The following FAT3 variants were observed in gnomAD, a reference collection of about 807,000 sequenced individuals.
The protein encoded by FAT3 is FAT atypical cadherin 3, also known as protocadherin Fat 3.
A neutral mutation model predicts 310.2 loss-of-function variants in FAT3; 95 were observed. The ratio of observed to expected loss-of-function variants is 0.31; its 90% confidence interval spans 0.26 to 0.36. The LOEUF is 0.36. Among genes scored for constraint, FAT3 ranks in the 10% least tolerant of loss-of-function variants. The probability of loss-of-function intolerance (pLI) is 1.00; values close to 1 mark genes in which losing one functional copy is unlikely to be tolerated. For missense variants in FAT3, 5,408 were observed against 5,715.6 expected, an observed-to-expected ratio of 0.95 and a Z score of 1.74; for synonymous variants, 2,314 against 2,192.9, an observed-to-expected ratio of 1.06 and a Z score of -1.54.
In FAT3 at chr11:92,524,708, A is replaced by G. The variant is rs1953793689; in HGVS notation, c.3367A>G (p.Arg1123Gly). ...CTGGCTAACAGTGTATGCCACAGACAGGGGCGTTGTTCCACTCTACTCCAC... is the reference window on the plus strand; with the variant it reads ...CTGGCTAACAGTGTATGCCACAGACGGGGGCGTTGTTCCACTCTACTCCAC... ...SYWLTVYATD[R>G]GVVPLYSTIE... The change falls in exon 3 of 28, where the codon AGG becomes GGG. Residue 1123 changes from arginine to glycine, a missense_variant. Coordinates refer to ENST00000525166, the MANE Select transcript of FAT3 (RefSeq NM_001367949.2). The G allele has an allele frequency of 1.2e-6, 2 of 1,613,896 alleles. No homozygotes were observed. Among genetic ancestry groups the G allele is most frequent in the South Asian group, 2.2e-5 (2 of 91,076 alleles).
At chr11:92,298,686 T>A (rs1221627904) in intron 1 of FAT3, among the ~76,000 whole-genome samples, 1 of 152,096 alleles carries the variant, frequency 6.6e-6, no homozygotes, top group Non-Finnish European at 1.5e-5. Flanking sequence ...AGATGGTCGT[T>A]AATCAACTTC....
chr11:92,789,458 C>G (rs1168780173), intron 7 of FAT3, among the ~76,000 whole-genome samples: 1 of 152,178 alleles, frequency 6.6e-6, no homozygotes, highest in African/African-American at 2.4e-5. Context: ...AGGACAACCA[C>G]AGGGCATGGA....
Position 92,594,826 on chromosome 11 carries a change from A to G in FAT3, c.3607+69878A>G, listed in dbSNP as rs531882088. Among the ~76,000 whole-genome samples, 69 of 152,282 alleles carry G rather than the reference A, an allele frequency of 4.5e-4. 1 individual carries two copies. The South Asian group carries it at 0.014, about 30-fold the overall frequency. On this transcript the variant is annotated intron_variant, in intron 3 of 27. Coordinates refer to ENST00000525166, the MANE Select transcript of FAT3 (RefSeq NM_001367949.2). ...TTGATATTTGCTGCCAAAATCCACA[A>G]TATGTTTCAGAATGCTTTCTATTTT... is the stretch of plus-strand genomic sequence containing the variant.
intron 23 of FAT3, among the ~76,000 whole-genome samples, chr11:92,881,735 T>C (rs1310620070): frequency 1.2e-4 from 18 of 152,202 alleles, no homozygotes; most frequent in Admixed American, 1.2e-3. Context: ...AAAGAAGGTC[T>C]ATGTTCTCAA....
At chr11:92,327,926 G>C (rs537340379) in intron 1 of FAT3, among the ~76,000 whole-genome samples, 3 of 152,314 alleles carry the variant, frequency 2.0e-5, no homozygotes, top group African/African-American at 7.2e-5. Flanking sequence ...AAGATGGAGA[G>C]AGAAGAGGCA....
At chr11:92,343,347 GA>G (rs1205619143) in intron 1 of FAT3, among the ~76,000 whole-genome samples, 2 of 152,032 alleles carry the variant, frequency 1.3e-5, no homozygotes. Flanking sequence ...TGTGCAGAAT[GA>G]CAAAGGTGAT....
At chr11:92,872,191 T>C (rs1334690058) in intron 22 of FAT3, among the ~76,000 whole-genome samples, 1 of 152,250 alleles carries the variant, frequency 6.6e-6, no homozygotes, top group Non-Finnish European at 1.5e-5. Context: ...TATGTTTTGC[T>C]GAATACTTTG....
At chr11:92,869,155 C>T (rs372396581) in intron 22 of FAT3, among the ~76,000 whole-genome samples, 1 of 152,188 alleles carries the variant, frequency 6.6e-6, no homozygotes, top group Non-Finnish European at 1.5e-5. Flanking sequence ...GGGGGACTTA[C>T]GTTTTCCTAA....
chr11:92,793,348 T>C (rs1947085437), intron 9 of FAT3, among the ~76,000 whole-genome samples: 1 of 152,216 alleles, frequency 6.6e-6, no homozygotes, highest in South Asian at 2.1e-4. Flanking sequence ...CAGGGTGTTC[T>C]GTGAATTGAA....
intron 7 of FAT3, among the ~76,000 whole-genome samples, chr11:92,782,000 T>C (rs1946766557): frequency 6.6e-6 from 1 of 152,156 alleles, no homozygotes; most frequent in Non-Finnish European, 1.5e-5. Context: ...CTTATTCAAG[T>C]AATCCTTTAG....
At chr11:92,424,422 C>T (rs1474528729) in intron 2 of FAT3, among the ~76,000 whole-genome samples, 1 of 152,078 alleles carries the variant, frequency 6.6e-6, no homozygotes, top group Non-Finnish European at 1.5e-5. Flanking sequence ...TCCTATGGAC[C>T]TTGCCACAAC....
At chr11:92,587,561 G>T (rs1939217733) in intron 3 of FAT3, among the ~76,000 whole-genome samples, 1 of 151,882 alleles carries the variant, frequency 6.6e-6, no homozygotes, top group Admixed American at 6.6e-5. Context: ...CATGAAAAAG[G>T]CTATAATGTA....
At chr11:92,502,139 G>A (rs371017227) in intron 2 of FAT3, among the ~76,000 whole-genome samples, 8 of 152,008 alleles carry the variant, frequency 5.3e-5, no homozygotes, top group South Asian at 4.1e-4. Context: ...AAGCTGGGCC[G>A]GCAGCAAGGC....
At chr11:92,654,549 T>C (rs533909415) in intron 3 of FAT3, among the ~76,000 whole-genome samples, 1 of 152,324 alleles carries the variant, frequency 6.6e-6, no homozygotes, top group South Asian at 2.1e-4. Flanking sequence ...CAATGAAAGA[T>C]AAAACAAAAT....
intron 1 of FAT3, among the ~76,000 whole-genome samples, chr11:92,303,168 C>T (rs367571368): frequency 9.2e-4 from 140 of 152,188 alleles, no homozygotes; most frequent in African/African-American, 3.3e-3. Context: ...TAAATCTGTG[C>T]TCATTCATAA....
chr11:92,355,454 G>GT lies in FAT3; in HGVS notation c.3292+51dup, dbSNP rs559174644. 1.3e-4 allele frequency: 204 copies of GT among 1,531,498 alleles called. No homozygotes were observed. In the African/African-American group the frequency reaches 2.6e-3, roughly 19 times the overall value. The allele number at this position is 1,531,498 out of a possible 1,614,324, so 94.9% of individuals were successfully genotyped here. A position where few individuals can be genotyped will look rare whatever the true frequency, so the allele number is the denominator to read the frequency against. ...AGTGTTGTTTCACCTCTTTTAAATG[G>GT]TCAACAGTGGAAAAGTAAAGGGATG... On this transcript the variant is annotated intron_variant, in intron 2 of 27. Transcript: ENST00000525166.
chr11:92,331,139 C>A (rs991323100), intron 1 of FAT3, among the ~76,000 whole-genome samples: 3 of 151,974 alleles, frequency 2.0e-5, no homozygotes, highest in African/African-American at 7.3e-5. Flanking sequence ...ATTAGGAGGG[C>A]TGTTTGAGAT....
intron 2 of FAT3, among the ~76,000 whole-genome samples, chr11:92,522,022 T>C (rs1196783524): frequency 6.6e-6 from 1 of 152,174 alleles, no homozygotes; most frequent in Non-Finnish European, 1.5e-5. Flanking sequence ...TCATTATCTC[T>C]GTTCCTCCAA....
chr11:92,363,899 G>A (rs1191123429), intron 2 of FAT3, among the ~76,000 whole-genome samples: 2 of 152,156 alleles, frequency 1.3e-5, no homozygotes, highest in East Asian at 1.9e-4. Context: ...TAAGCCAGGT[G>A]GGAGAAAGGA....
Sources: gnomAD v4.1 joint callset for allele counts (sites outside exome capture counted in the v4.1 genomes callset) on GRCh38, gnomAD v4.1.1 for gene constraint, MANE v1.5 for transcripts, NCBI Gene and HGNC (gene_info 2026-07-23, HGNC 2026-07-21) for gene names.